MARCHF1: variants seen among roughly 807,000 people sequenced by gnomAD.
MARCHF1 encodes the protein membrane associated ring-CH-type finger 1.
A neutral mutation model predicts 54.2 loss-of-function variants in MARCHF1; 40 were observed. That is an observed-to-expected ratio of 0.74 (90% CI 0.57 to 0.96). MARCHF1 has a LOEUF of 0.96. Ranked by LOEUF, MARCHF1 falls within the 40% of genes least tolerant of loss-of-function variation. The probability of loss-of-function intolerance (pLI) is 0.00; values close to 1 mark genes in which losing one functional copy is unlikely to be tolerated. For missense variants in MARCHF1, 586 were observed against 656.5 expected (o/e 0.89, Z 1.17); for synonymous variants, 236 against 236.3 (o/e 1.00, Z 0.01).
intron 4 of MARCHF1, among the ~76,000 whole-genome samples, chr4:163,708,102 C>G (rs80118161): frequency 1.3e-5 from 2 of 151,552 alleles, no homozygotes; most frequent in Admixed American, 6.6e-5. Flanking sequence ...GCAATCCCCC[C>G]CTGTAGCAGC....
In MARCHF1 at chr4:164,329,701, G is replaced by T. The variant is rs917109276; in HGVS notation, c.-323+54169C>A. 3.9e-5 allele frequency among the ~76,000 whole-genome samples: 6 copies of T among 152,302 alleles called. No individual in the cohort carries two copies. The South Asian group carries it at 1.0e-3, about 26-fold the overall frequency. On this transcript the variant is annotated intron_variant, in intron 1 of 9. Transcript: ENST00000514618. ...ATGACAGAAGGCAAAATAAGAGCAG[G>T]CACGTCACACGGCAAAAGAAGGAGC... is the stretch of plus-strand genomic sequence containing the variant.
intron 1 of MARCHF1, chr4:164,189,364 C>T: frequency 3.2e-6 from 2 of 624,130 alleles, no homozygotes; most frequent in South Asian, 4.1e-5. Flanking sequence ...ATTTTAAGAG[C>T]TAAACATGGA....
chr4:164,216,189 C>G (rs948327800), intron 1 of MARCHF1, among the ~76,000 whole-genome samples: 5 of 152,188 alleles, frequency 3.3e-5, no homozygotes, highest in African/African-American at 1.2e-4. Flanking sequence ...ATGTACTTCC[C>G]TTTACGGTTT....
At chr4:164,112,331 A>G (rs1282779116) in intron 1 of MARCHF1, among the ~76,000 whole-genome samples, 3 of 151,904 alleles carry the variant, frequency 2.0e-5, no homozygotes, top group African/African-American at 7.2e-5. Flanking sequence ...CATGGCTACA[A>G]TACTAAATTG....
At chr4:164,332,195 A>G (rs149842106) in intron 1 of MARCHF1, among the ~76,000 whole-genome samples, 2 of 152,282 alleles carry the variant, frequency 1.3e-5, no homozygotes, top group East Asian at 3.9e-4. Flanking sequence ...TTTATTTGTC[A>G]CTTTCAGCAC....
chr4:164,039,523 C>A (rs1754079713), intron 2 of MARCHF1, among the ~76,000 whole-genome samples: 1 of 152,106 alleles, frequency 6.6e-6, no homozygotes, highest in Admixed American at 6.5e-5. Context: ...AAATGTCTCA[C>A]CCTTTCCAAT....
intron 1 of MARCHF1, among the ~76,000 whole-genome samples, chr4:164,256,213 C>T (rs1002072449): frequency 2.0e-5 from 3 of 151,226 alleles, no homozygotes; most frequent in Non-Finnish European, 4.4e-5. Flanking sequence ...AATTAGAAAA[C>T]AACAAGTCAA....
At chr4:163,984,568 C>T (rs1195876380) in intron 3 of MARCHF1, among the ~76,000 whole-genome samples, 1 of 152,126 alleles carries the variant, frequency 6.6e-6, no homozygotes, top group African/African-American at 2.4e-5. Context: ...CATTTGCTTG[C>T]AAATCCCAGG....
chr4:163,872,303 C>A (rs773492004), intron 3 of MARCHF1, among the ~76,000 whole-genome samples: 1 of 152,086 alleles, frequency 6.6e-6, no homozygotes, highest in African/African-American at 2.4e-5. Context: ...TTGAATAGGA[C>A]GGAATGCCAA....
chr4:164,206,790 T>C (rs1397405635), intron 1 of MARCHF1, among the ~76,000 whole-genome samples: 1 of 152,110 alleles, frequency 6.6e-6, no homozygotes, highest in African/African-American at 2.4e-5. Flanking sequence ...TACGTAACTA[T>C]AAGATATTCA....
At chr4:164,209,930 G>A (rs1180816489) in intron 1 of MARCHF1, among the ~76,000 whole-genome samples, 2 of 152,126 alleles carry the variant, frequency 1.3e-5, no homozygotes, top group Non-Finnish European at 2.9e-5. Context: ...TTAATGCAGT[G>A]AAAAGGGATA....
intron 5 of MARCHF1, among the ~76,000 whole-genome samples, chr4:163,675,602 C>T (rs570061137): frequency 1.3e-5 from 2 of 152,318 alleles, no homozygotes; most frequent in African/African-American, 4.8e-5. Flanking sequence ...AGGGATATGT[C>T]TGTGCTAAAG....
At chr4:163,818,864 C>CT (rs1748614957) in intron 4 of MARCHF1, among the ~76,000 whole-genome samples, 1 of 152,114 alleles carries the variant, frequency 6.6e-6, no homozygotes, top group South Asian at 2.1e-4. Context: ...ATGATCACTT[C>CT]TCTTTTTGAA....
intron 1 of MARCHF1, among the ~76,000 whole-genome samples, chr4:164,202,625 G>C (rs148198191): frequency 6.6e-6 from 1 of 152,296 alleles, no homozygotes; most frequent in African/African-American, 2.4e-5. Flanking sequence ...GGCATAGCTA[G>C]TACTCAAACC....
intron 1 of MARCHF1, among the ~76,000 whole-genome samples, chr4:164,178,503 G>A (rs1209777820): frequency 6.6e-6 from 1 of 152,136 alleles, no homozygotes; most frequent in East Asian, 1.9e-4. Context: ...TGTATGTGAG[G>A]TTTCCTTACC....
At chr4:164,298,010 A>C (rs567475710) in intron 1 of MARCHF1, among the ~76,000 whole-genome samples, 1 of 152,100 alleles carries the variant, frequency 6.6e-6, no homozygotes, top group South Asian at 2.1e-4. Context: ...ATCCACACCT[A>C]TCTAATCTAG....
chr4:164,117,126 T>G (rs1467756293), intron 1 of MARCHF1, among the ~76,000 whole-genome samples: 1 of 151,894 alleles, frequency 6.6e-6, no homozygotes, highest in East Asian at 1.9e-4. Context: ...GACGTGGTTG[T>G]GCATGCCTGT....
At chr4:163,761,790 T>G (rs1230277107) in intron 4 of MARCHF1, among the ~76,000 whole-genome samples, 2 of 114,730 alleles carry the variant, frequency 1.7e-5, no homozygotes, top group African/African-American at 6.5e-5. Context: ...CCAGTAACTC[T>G]CCACCACCAA....
intron 1 of MARCHF1, among the ~76,000 whole-genome samples, chr4:164,313,889 A>G (rs1560999010): frequency 1.3e-5 from 2 of 152,168 alleles, no homozygotes; most frequent in Admixed American, 6.5e-5. Context: ...CATGACTTCT[A>G]TATCCCAGCT....
Sources: gnomAD v4.1 joint callset for allele counts (sites outside exome capture counted in the v4.1 genomes callset) on GRCh38, gnomAD v4.1.1 for gene constraint, MANE v1.5 for transcripts, NCBI Gene and HGNC (gene_info 2026-07-23, HGNC 2026-07-21) for gene names.